Variants in RAPGEF4 observed in about 807,000 individuals in gnomAD.
RAPGEF4 encodes Rap guanine nucleotide exchange factor 4, also known as RAP guanine-nucleotide-exchange factor (GEF) 4.
RAPGEF4 carries 66 observed loss-of-function variants against 147.9 expected under a neutral mutation model. The observed-to-expected ratio is 0.45, with a 90% CI of 0.37 to 0.55. The LOEUF (loss-of-function observed/expected upper bound fraction) is 0.55. RAPGEF4 is among the 20% of genes least tolerant of loss of function. RAPGEF4 has a pLI of 0.00. For missense variants in RAPGEF4, 1,071 were observed against 1,257.3 expected (o/e 0.85, Z 2.24); for synonymous variants, 419 against 442.7 (o/e 0.95, Z 0.67).
At chr2:172,911,231 C>A (rs1255977956) in intron 4 of RAPGEF4, among the ~76,000 whole-genome samples, 1 of 152,178 alleles carries the variant, frequency 6.6e-6, no homozygotes, top group African/African-American at 2.4e-5. Flanking sequence ...TTCTCAATCT[C>A]AGACCTATGA....
chr2:172,750,829 C>G (rs575486598), intron 1 of RAPGEF4, among the ~76,000 whole-genome samples: 9 of 152,088 alleles, frequency 5.9e-5, no homozygotes, highest in Non-Finnish European at 1.2e-4. Flanking sequence ...TTAAAAAAGT[C>G]AGATTACTTG....
chr2:172,837,484 G>A (rs747806189), intron 4 of RAPGEF4, among the ~76,000 whole-genome samples: 5 of 152,034 alleles, frequency 3.3e-5, no homozygotes, highest in African/African-American at 4.8e-5. Flanking sequence ...TATCAGTGAC[G>A]AACCAGCCAA....
At chr2:172,805,054 G>T (rs1687351510) in intron 3 of RAPGEF4, among the ~76,000 whole-genome samples, 1 of 152,192 alleles carries the variant, frequency 6.6e-6, no homozygotes, top group Non-Finnish European at 1.5e-5. Context: ...ATCAGATAGT[G>T]GCATGGATTC....
At chr2:172,973,071 G>T (rs1291661843) in intron 10 of RAPGEF4, among the ~76,000 whole-genome samples, 1 of 150,514 alleles carries the variant, frequency 6.6e-6, no homozygotes, top group Non-Finnish European at 1.5e-5. Flanking sequence ...TGTGATCGTT[G>T]GATGTTTAGG....
intron 27 of RAPGEF4, 119 bp from the exon 28 acceptor site, chr2:173,036,006 T>A (rs1683950785): frequency 1.3e-6 from 1 of 749,556 alleles, no homozygotes; most frequent in Admixed American, 2.0e-5. Context: ...AATTCAAACC[T>A]GTGTTGTTCA....
chr2:172,744,994 T>C (rs1694642941), intron 1 of RAPGEF4, among the ~76,000 whole-genome samples: 1 of 152,200 alleles, frequency 6.6e-6, no homozygotes, highest in South Asian at 2.1e-4. Flanking sequence ...TATATTACTT[T>C]ATTCAACTTA....
intron 29 of RAPGEF4, among the ~76,000 whole-genome samples, chr2:173,044,077 T>C (rs1359670934): frequency 1.3e-5 from 2 of 152,108 alleles, no homozygotes; most frequent in Non-Finnish European, 2.9e-5. Context: ...AGCAGCGCTG[T>C]CTTATAGGCA....
intron 10 of RAPGEF4, among the ~76,000 whole-genome samples, chr2:172,975,119 A>G (rs1469583202): frequency 6.6e-6 from 1 of 152,254 alleles, no homozygotes; most frequent in African/African-American, 2.4e-5. Context: ...AGTATATTTC[A>G]TGCAATATTT....
intron 15 of RAPGEF4, among the ~76,000 whole-genome samples, chr2:172,995,241 CTGTTTG>C (rs1693215687): frequency 7.1e-5 from 8 of 112,914 alleles, no homozygotes; most frequent in African/African-American, 2.7e-4. Flanking sequence ...TTTTACTTGC[CTGTTTG>C]TGTGTGTGTG....
At chr2:172,944,187 G>A (rs1687449511) in intron 6 of RAPGEF4, among the ~76,000 whole-genome samples, 1 of 152,118 alleles carries the variant, frequency 6.6e-6, no homozygotes. Flanking sequence ...GGTAAATGCA[G>A]GCTGCCAGTC....
chr2:173,041,382 A>T (rs2106042378), intron 29 of RAPGEF4, among the ~76,000 whole-genome samples: 1 of 152,310 alleles, frequency 6.6e-6, no homozygotes, highest in South Asian at 2.1e-4. Context: ...TAGATTTCCC[A>T]GGCCAGGCTA....
chr2:173,001,217 A>G, intron 16 of RAPGEF4, 49 bp from the exon 17 acceptor site: 1 of 1,610,346 alleles, frequency 6.2e-7, no homozygotes, highest in Non-Finnish European at 8.5e-7. Flanking sequence ...GCTTTCCTAA[A>G]GATTTCCACA....
intron 4 of RAPGEF4, among the ~76,000 whole-genome samples, chr2:172,825,645 C>T (rs3769303): frequency 0.11 from 16,824 of 151,976 alleles, 963 homozygotes; most frequent in South Asian, 0.18. Context: ...AGACATTAAC[C>T]CTCTTAGAAT....
chr2:172,963,345 C>T, intron 8 of RAPGEF4, among the ~76,000 whole-genome samples: 1 of 152,178 alleles, frequency 6.6e-6, no homozygotes, highest in East Asian at 1.9e-4. Context: ...CATATGTCTT[C>T]AGAGAGAGTT....
rs1282341075 is a variant in RAPGEF4, at chr2:172,988,182, C to A, written c.1151-14C>A. 7 of 1,589,804 alleles carry A rather than the reference C, an allele frequency of 4.4e-6. No individual in the cohort carries two copies. Among genetic ancestry groups the A allele is most frequent in the Non-Finnish European group, 4.3e-6 (5 of 1,173,902 alleles). On this transcript the variant is annotated splice_polypyrimidine_tract_variant and intron_variant, in intron 12 of 30. Coordinates refer to ENST00000397081, the MANE Select transcript of RAPGEF4 (RefSeq NM_007023.4). ...CTATTCTTATCATAAGTCTTTTCAT[C>A]TTTTTGTGTCTAGTGTTTAACCAGG...
intron 4 of RAPGEF4, among the ~76,000 whole-genome samples, chr2:172,848,991 TAAA>T (rs1015816317): frequency 4.0e-5 from 6 of 151,720 alleles, no homozygotes; most frequent in African/African-American, 1.5e-4. Flanking sequence ...TCAGTGTTAA[TAAA>T]TAACCATCTA....
chr2:173,013,340 C>T (rs1214796702), intron 17 of RAPGEF4, among the ~76,000 whole-genome samples: 3 of 152,170 alleles, frequency 2.0e-5, no homozygotes, highest in East Asian at 1.9e-4. Context: ...GTCTTGCATT[C>T]GCAACCTCTG....
At chr2:172,929,246 C>T (rs1685677473) in intron 6 of RAPGEF4, among the ~76,000 whole-genome samples, 1 of 152,182 alleles carries the variant, frequency 6.6e-6, no homozygotes, top group South Asian at 2.1e-4. Flanking sequence ...CTAGTGTTGA[C>T]ATGTCATTTA....
intron 1 of RAPGEF4, among the ~76,000 whole-genome samples, chr2:172,761,703 C>T (rs966743168): frequency 2.0e-5 from 3 of 152,248 alleles, no homozygotes; most frequent in Non-Finnish European, 2.9e-5. Context: ...ATATGAAGCA[C>T]AGGAGAAAGG....
Sources: gnomAD v4.1 joint callset for allele counts (sites outside exome capture counted in the v4.1 genomes callset) on GRCh38, gnomAD v4.1.1 for gene constraint, MANE v1.5 for transcripts, NCBI Gene and HGNC (gene_info 2026-07-23, HGNC 2026-07-21) for gene names.